The following IGF1R variants were observed in gnomAD, a reference collection of about 807,000 sequenced individuals.
IGF1R encodes the protein insulin like growth factor 1 receptor, also known as insulin-like growth factor 1 receptor.
Under a neutral mutation model 144.6 loss-of-function variants are expected in IGF1R, and 44 were observed. The observed-to-expected ratio is 0.30, with a 90% CI of 0.24 to 0.39. The LOEUF (loss-of-function observed/expected upper bound fraction) is 0.39, where lower values mean the gene tolerates loss of function less well. Among genes scored for constraint, IGF1R ranks in the 10% least tolerant of loss-of-function variants. IGF1R has a pLI of 1.00. For synonymous variants in IGF1R, 795 were observed against 722.8 expected, an observed-to-expected ratio of 1.10 and a Z score of -1.60; for missense variants, 1,355 against 1,833.7, an observed-to-expected ratio of 0.74 and a Z score of 4.77.
intron 2 of IGF1R, among the ~76,000 whole-genome samples, chr15:98,770,722 A>G (rs1013329512): frequency 1.3e-5 from 2 of 152,136 alleles, no homozygotes; most frequent in African/African-American, 4.8e-5. Flanking sequence ...TTAGCTGTCA[A>G]CAGGCAACAA....
intron 5 of IGF1R, among the ~76,000 whole-genome samples, chr15:98,903,944 A>G (rs912186586): frequency 3.3e-5 from 5 of 152,252 alleles, no homozygotes; most frequent in Admixed American, 6.5e-5. Context: ...TTGACCACCA[A>G]TGGGAATGAG....
chr15:98,879,717 C>T (rs2013270825), intron 2 of IGF1R, among the ~76,000 whole-genome samples: 1 of 152,138 alleles, frequency 6.6e-6, no homozygotes, highest in Non-Finnish European at 1.5e-5. Context: ...TTTATCACTG[C>T]ACATTCATAG....
intron 2 of IGF1R, among the ~76,000 whole-genome samples, chr15:98,771,541 C>T (rs564158364): frequency 6.6e-6 from 1 of 152,110 alleles, no homozygotes; most frequent in Non-Finnish European, 1.5e-5. Flanking sequence ...TATAGTGAGA[C>T]CCAGTAAACG....
At chr15:98,839,780 G>T (rs1055769883) in intron 2 of IGF1R, among the ~76,000 whole-genome samples, 2 of 152,188 alleles carry the variant, frequency 1.3e-5, no homozygotes, top group African/African-American at 4.8e-5. Context: ...ACATGGTAGA[G>T]TGGTGCTCAC....
intron 1 of IGF1R, among the ~76,000 whole-genome samples, chr15:98,680,599 C>G (rs906101275): frequency 6.6e-6 from 1 of 152,140 alleles, no homozygotes. Flanking sequence ...GGGTCTAGCT[C>G]TGTCACCCAA....
intron 1 of IGF1R, among the ~76,000 whole-genome samples, chr15:98,693,474 G>A (rs987063897): frequency 6.6e-6 from 1 of 152,202 alleles, no homozygotes; most frequent in African/African-American, 2.4e-5. Context: ...AGAATGCAGA[G>A]GACGCTGTAG....
chr15:98,794,755 G>A (rs1157524915), intron 2 of IGF1R, among the ~76,000 whole-genome samples: 1 of 152,192 alleles, frequency 6.6e-6, no homozygotes, highest in Non-Finnish European at 1.5e-5. Flanking sequence ...TTCATCTACA[G>A]TAGTTTGGGA....
chr15:98,906,094 G>A (rs929688344), intron 5 of IGF1R, among the ~76,000 whole-genome samples: 5 of 152,172 alleles, frequency 3.3e-5, no homozygotes, highest in African/African-American at 1.2e-4. Flanking sequence ...TGTGTTTACT[G>A]TAAAAAGATA....
At chr15:98,786,005 C>G (rs1358561950) in intron 2 of IGF1R, among the ~76,000 whole-genome samples, 1 of 152,230 alleles carries the variant, frequency 6.6e-6, no homozygotes, top group African/African-American at 2.4e-5. Flanking sequence ...CTTTCAGCTG[C>G]TGCCCCTCCC....
chr15:98,757,704 A>G (rs528560980), intron 2 of IGF1R, among the ~76,000 whole-genome samples: 3 of 151,810 alleles, frequency 2.0e-5, no homozygotes, highest in Non-Finnish European at 4.4e-5. Flanking sequence ...CTCTTGTTCA[A>G]TTGTTTGTTT....
intron 2 of IGF1R, among the ~76,000 whole-genome samples, chr15:98,779,488 C>G (rs76530533): frequency 1.3e-5 from 2 of 152,180 alleles, no homozygotes; most frequent in East Asian, 1.9e-4. Context: ...CTATTCCCAC[C>G]GTACAGATGA....
At chr15:98,682,683 G>A (rs150745670) in intron 1 of IGF1R, among the ~76,000 whole-genome samples, 1 of 152,002 alleles carries the variant, frequency 6.6e-6, no homozygotes, top group African/African-American at 2.4e-5. Context: ...AGGTAGCTGG[G>A]ATTACAGGCA....
intron 7 of IGF1R, among the ~76,000 whole-genome samples, chr15:98,911,779 G>C (rs1270105296): frequency 6.6e-6 from 1 of 152,142 alleles, no homozygotes; most frequent in Non-Finnish European, 1.5e-5. Flanking sequence ...GATGATGGGG[G>C]ACTTCACTGA....
chr15:98,952,327 C>CT (rs961562890), intron 20 of IGF1R, among the ~76,000 whole-genome samples: 6 of 151,870 alleles, frequency 4.0e-5, no homozygotes, highest in African/African-American at 1.5e-4. Context: ...CACACACACA[C>CT]ACACTGCCCC....
chr15:98,921,853 G>T (rs914005755), intron 10 of IGF1R, among the ~76,000 whole-genome samples: 2 of 152,120 alleles, frequency 1.3e-5, no homozygotes, highest in Non-Finnish European at 2.9e-5. Context: ...ACACAGCCAG[G>T]ACTGCCTGGC....
chr15:98,957,641 C>CT lies in IGF1R; in HGVS notation c.*204dup, dbSNP rs2017059639. 5 of 648,988 alleles carry CT rather than the reference C, an allele frequency of 7.7e-6. No homozygotes were observed. Among genetic ancestry groups the CT allele is most frequent in the Non-Finnish European group, 1.1e-5 (4 of 375,612 alleles). The allele number at this position is 648,988 out of a possible 1,614,324, so 40.2% of individuals were successfully genotyped here. On this transcript the variant is annotated 3_prime_UTR_variant, in exon 21 of 21. Transcript: ENST00000650285. ...GTTCCTTTTTTCAATATGCAAGCAG[C>CT]TTTTTATTCCCTGCCCAAACCCTTA...
At chr15:98,768,763 CAAA>C (rs72476452) in intron 2 of IGF1R, among the ~76,000 whole-genome samples, 3 of 86,256 alleles carry the variant, frequency 3.5e-5, no homozygotes, top group Non-Finnish European at 6.4e-5. Flanking sequence ...ACTAAAAATA[CAAA>C]AAAAAAAAAA....
chr15:98,949,184 T>C (rs2016676136), intron 20 of IGF1R, among the ~76,000 whole-genome samples: 1 of 152,202 alleles, frequency 6.6e-6, no homozygotes, highest in Admixed American at 6.5e-5. Context: ...ATGCACCACG[T>C]AGGGTCAGCT....
chr15:98,701,363 G>C (rs528507197), intron 1 of IGF1R, among the ~76,000 whole-genome samples: 32 of 116,988 alleles, frequency 2.7e-4, no homozygotes, highest in Middle Eastern at 0.015. Flanking sequence ...TTGAGATGGA[G>C]TCTCGTTCTG....
Sources: allele counts gnomAD v4.1 joint callset (sites outside exome capture counted in the v4.1 genomes callset), GRCh38; gene constraint gnomAD v4.1.1; transcripts MANE v1.5; gene names NCBI Gene and HGNC (gene_info 2026-07-23, HGNC 2026-07-21).